Variants in TLR8 observed in about 807,000 individuals in gnomAD.
TLR8 encodes the protein toll like receptor 8.
A neutral mutation model predicts 18.5 loss-of-function variants in TLR8; 5 were observed. The ratio of observed to expected loss-of-function variants is 0.27; its 90% CI spans 0.14 to 0.57. The LOEUF (loss-of-function observed/expected upper bound fraction) is 0.57. TLR8 is among the 20% of genes least tolerant of loss of function. The probability of loss-of-function intolerance (pLI) is 0.92; values close to 1 mark genes in which losing one functional copy is unlikely to be tolerated. For missense variants in TLR8, 543 were observed against 769.8 expected, an observed-to-expected ratio of 0.71 and a Z score of 3.49; for synonymous variants, 299 against 300.1, an observed-to-expected ratio of 1.00 and a Z score of 0.04.
At chrX:12,909,236 A>T (rs2043004448) in intron 1 of TLR8, among the ~76,000 whole-genome samples, 1 of 112,215 alleles carries the variant, frequency 8.9e-6, no homozygotes, top group Admixed American at 9.4e-5. Context: ...ATGGCCGAGG[A>T]CAGCTTTGAA....
rs1022668356 is a variant in TLR8, at chrX:12,920,052, C to T, written c.1012C>T (p.Arg338Cys). 8.3e-7 allele frequency: 1 copy of T among 1,210,285 alleles called. No homozygotes were observed. Among genetic ancestry groups the T allele is most frequent in the East Asian group, 3.0e-5 (1 of 33,843 alleles). ...TGGGGCATTTTTAACGATGCTGCCC[C>T]GCTTAGAAATACTTGACTTGTCTTT... The part of the protein sequence containing the change: ...ASGAFLTMLP[R>C]LEILDLSFNY... Residue 338 changes from arginine (R) to cysteine (C), a missense_variant, in exon 2 of 2, where the codon CGC becomes TGC. By Grantham distance (180) the Arg-to-Cys change is radical (BLOSUM62 -3). Transcript: ENST00000218032.
At chrX:12,910,622 T>C (rs1385247096) in intron 1 of TLR8, among the ~76,000 whole-genome samples, 1 of 112,351 alleles carries the variant, frequency 8.9e-6, no homozygotes. Flanking sequence ...GTGTCCTATC[T>C]GCTCATTGCA....
intron 1 of TLR8, among the ~76,000 whole-genome samples, chrX:12,908,656 C>T (rs955394261): frequency 9.0e-6 from 1 of 111,024 alleles, no homozygotes; most frequent in Non-Finnish European, 1.9e-5. Flanking sequence ...AGAATCAGTG[C>T]CTTAGAACAT....
intron 1 of TLR8, among the ~76,000 whole-genome samples, chrX:12,911,900 C>T (rs1448142216): frequency 8.9e-6 from 1 of 112,728 alleles, no homozygotes; most frequent in East Asian, 2.8e-4. Context: ...TACTGTTCAT[C>T]CACCTGCTTT....
intron 1 of TLR8, among the ~76,000 whole-genome samples, chrX:12,907,816 C>T (rs906606706): frequency 6.3e-5 from 7 of 110,777 alleles, no homozygotes; most frequent in African/African-American, 1.3e-4. Flanking sequence ...CATGAGCCAC[C>T]GCGCCCGGCC....
intron 1 of TLR8, among the ~76,000 whole-genome samples, chrX:12,916,009 G>A (rs1336170219): frequency 9.0e-6 from 1 of 110,844 alleles, no homozygotes; most frequent in Non-Finnish European, 1.9e-5. Context: ...AACCTCCTGA[G>A]TAGCTGGGAT....
intron 1 of TLR8, among the ~76,000 whole-genome samples, chrX:12,917,195 C>T (rs2043061505): frequency 8.9e-6 from 1 of 112,306 alleles, no homozygotes; most frequent in Non-Finnish European, 1.9e-5. Context: ...CTGCCTATCA[C>T]ACCAGGTATA....
intron 1 of TLR8, among the ~76,000 whole-genome samples, chrX:12,914,987 G>A (rs2043045096): frequency 9.0e-6 from 1 of 111,682 alleles, no homozygotes; most frequent in Non-Finnish European, 1.9e-5. Flanking sequence ...ATCACTAAGA[G>A]AGTCCATTTT....
At chrX:12,907,874 G>T (rs1019107070) in intron 1 of TLR8, among the ~76,000 whole-genome samples, 1 of 111,494 alleles carries the variant, frequency 9.0e-6, no homozygotes, top group African/African-American at 3.3e-5. Flanking sequence ...GATCTTGAAG[G>T]TAAATTAATT....
chrX:12,921,390 C>T lies in TLR8; in HGVS notation c.2350C>T (p.Arg784Ter). 8.3e-7 allele frequency: 1 copy of T among 1,211,629 alleles called. No homozygotes were observed. The highest frequency in any genetic ancestry group is 1.8e-5 in the South Asian group (1 of 57,011). The change falls in exon 2 of 2, where the codon CGA becomes TGA. Residue 784 changes from arginine to a stop codon, truncating the protein, a stop_gained. Coordinates refer to ENST00000218032, the MANE Select transcript of TLR8 (RefSeq NM_138636.5). LOFTEE classifies it high-confidence loss of function. ...ATGCACCTGTGACATTGGAGATTTC[C>T]GAAGATGGATGGATGAACATCTGAA... ...FECTCDIGDF[R>*]RWMDEHLNVK...
intron 1 of TLR8, among the ~76,000 whole-genome samples, chrX:12,911,882 G>A (rs1326203262): frequency 8.9e-6 from 1 of 112,742 alleles, no homozygotes; most frequent in South Asian, 3.6e-4. Flanking sequence ...GCTTTGCTCT[G>A]CCCCATCTAC....
At chrX:12,915,790 T>C (rs2043050817) in intron 1 of TLR8, among the ~76,000 whole-genome samples, 1 of 112,755 alleles carries the variant, frequency 8.9e-6, no homozygotes, top group Non-Finnish European at 1.9e-5. Context: ...TTGCACATGC[T>C]GCTCCCTTTT....
At chrX:12,911,847 A>G (rs758475520) in intron 1 of TLR8, among the ~76,000 whole-genome samples, 1 of 113,120 alleles carries the variant, frequency 8.8e-6, no homozygotes, top group African/African-American at 3.2e-5. Flanking sequence ...CAGAAGGCAC[A>G]GGGCTGTAGG....
chrX:12,921,001 T>C lies in TLR8; in HGVS notation c.1961T>C (p.Ile654Thr). 8.3e-7 allele frequency: 1 copy of C among 1,211,034 alleles called. No individual in the cohort carries two copies. Among genetic ancestry groups the C allele is most frequent in the Non-Finnish European group, 1.1e-6 (1 of 894,787 alleles). ...LDLSLNRLKH[I>T]PNEAFLNLPA... The stretch of plus-strand genomic sequence containing the variant: ...TTATCCCTTAATAGGCTGAAGCACA[T>C]CCCAAATGAAGCATTCCTTAATTTG... The change falls in exon 2 of 2, where the codon ATC becomes ACC. Residue 654 changes from isoleucine to threonine, a missense_variant. Around this residue, in one of 4 missense-constraint regions of TLR8, gnomAD observed 227 missense variants for 312.9 expected, o/e 0.73. Transcript: ENST00000218032.
At position 12,922,190 on chromosome X, in the gene TLR8, G is replaced by A. The variant is rs781122400; in HGVS notation, c.*24G>A. 25 of 1,163,309 alleles carry A rather than the reference G, an allele frequency of 2.1e-5. No individual in the cohort carries two copies. In the East Asian group the frequency reaches 3.9e-4, roughly 18 times the overall value. ...AACTGACGTTAAGTCATGATTTCGCGCCATAATAAAGATGCAAAGGAATGA... is the reference window on the plus strand; with the variant it reads ...AACTGACGTTAAGTCATGATTTCGCACCATAATAAAGATGCAAAGGAATGA... On this transcript the variant is annotated 3_prime_UTR_variant, in exon 2 of 2. Coordinates refer to ENST00000218032, the MANE Select transcript of TLR8 (RefSeq NM_138636.5).
chrX:12,921,528 A>G lies in TLR8; in HGVS notation c.2488A>G (p.Ile830Val). The change falls in exon 2 of 2, where the codon ATA becomes GTA. Residue 830 changes from isoleucine (I) to valine (V), a missense_variant. Ile to Val is a conservative substitution (Grantham distance 29). Transcript: ENST00000218032. ...TTGTGTTTCAGATGTCACTGCAGTG[A>G]TATTATTTTTCTTCACGTTCTTTAT... ...TTCVSDVTAVILFFFTFFITT... is the reference protein window; with the variant it reads ...TTCVSDVTAVVLFFFTFFITT... 8.3e-7 allele frequency: 1 copy of G among 1,211,457 alleles called. No homozygotes were observed. Among genetic ancestry groups the G allele is most frequent in the South Asian group, 1.8e-5 (1 of 56,981 alleles).
intron 1 of TLR8, among the ~76,000 whole-genome samples, chrX:12,910,760 TGA>T (rs1012774125): frequency 4.3e-4 from 48 of 112,269 alleles, no homozygotes; most frequent in African/African-American, 1.5e-3. Flanking sequence ...GGGTGAGGAC[TGA>T]GAGAGGCTGT....
Position 12,920,602 on chromosome X carries a change from T to C in TLR8, c.1562T>C (p.Leu521Ser), listed in dbSNP as rs1254066138. 1 of 1,209,757 alleles carries C rather than the reference T, an allele frequency of 8.3e-7. No homozygotes were observed. The highest frequency in any genetic ancestry group is 1.1e-6 in the Non-Finnish European group (1 of 894,968). Residue 521 changes from leucine to serine, a missense_variant, in exon 2 of 2, where the codon TTA becomes TCA. This residue lies in a region of TLR8 where 185 missense variants were observed against 298.9 expected (regional missense o/e 0.62). Coordinates refer to ENST00000218032, the MANE Select transcript of TLR8 (RefSeq NM_138636.5). ...TCTGCAAATAGCAATGCTCAAGTGT[T>C]AAGTGGAACTGAATTTTCAGCCATT... Reference protein sequence around the residue: ...NLSANSNAQVLSGTEFSAIPH... With the variant: ...NLSANSNAQVSSGTEFSAIPH...
At chrX:12,915,863 C>A (rs1284938328) in intron 1 of TLR8, among the ~76,000 whole-genome samples, 3 of 110,987 alleles carry the variant, frequency 2.7e-5, no homozygotes, top group Non-Finnish European at 5.7e-5. Context: ...CTTAGGATTG[C>A]AGTTCAGGTT....
Sources: allele counts gnomAD v4.1 joint callset (sites outside exome capture counted in the v4.1 genomes callset), GRCh38; gene constraint gnomAD v4.1.1; regional missense constraint gnomAD v4.1.1; transcripts MANE v1.5; gene names NCBI Gene and HGNC (gene_info 2026-07-23, HGNC 2026-07-21).